Variants in EVC2 observed in about 807,000 individuals in gnomAD.
EVC2 encodes the protein EvC ciliary complex subunit 2, also known as limbin.
A neutral mutation model predicts 149.3 loss-of-function variants in EVC2; 148 were observed. That is an observed-to-expected ratio of 0.99 (90% CI 0.87 to 1.14). EVC2 has a LOEUF of 1.14. Among genes scored for constraint, EVC2 ranks in the 50% most tolerant of loss-of-function variants. EVC2 has a pLI of 0.00. For missense variants in EVC2, 1,854 were observed against 1,627.3 expected, an observed-to-expected ratio of 1.14 and a Z score of -2.40; for synonymous variants, 776 against 649.9, an observed-to-expected ratio of 1.19 and a Z score of -2.95.
At chr4:5,547,210 G>A (rs1036374152) in intron 21 of EVC2, among the ~76,000 whole-genome samples, 18 of 152,358 alleles carry the variant, frequency 1.2e-4, no homozygotes, top group African/African-American at 3.4e-4. Context: ...CACTTTGGGC[G>A]GTGCTGACAT....
chr4:5,590,286 G>T (rs1289583583), intron 16 of EVC2, among the ~76,000 whole-genome samples: 1 of 152,164 alleles, frequency 6.6e-6, no homozygotes. Flanking sequence ...AAAAAGTTGA[G>T]TGATGGGCAA....
At position 5,632,015 on chromosome 4, in the gene EVC2, G is replaced by A; in HGVS notation, c.1488C>T (p.Ser496=). ...GGCCATGGAGGGTCCGCAGAAGGTT[G>A]CTGCACTCTACAGCAGACTGGAGAG... The part of the protein sequence containing the change: ...RAGERSAVEC[S]NLLRTLHGLE... The change falls in exon 11 of 22, where the codon AGC becomes AGT. Residue 496 remains serine, a synonymous_variant. Transcript: ENST00000344408. The A allele has an allele frequency of 1.2e-6, 2 of 1,614,180 alleles. No homozygotes were observed. Among genetic ancestry groups the A allele is most frequent in the Non-Finnish European group, 1.7e-6 (2 of 1,180,022 alleles).
intron 19 of EVC2, among the ~76,000 whole-genome samples, chr4:5,573,257 G>T (rs961498796): frequency 6.6e-6 from 1 of 151,822 alleles, no homozygotes; most frequent in African/African-American, 2.4e-5. Context: ...AGTAAGGTCA[G>T]GGGCCTTGAG....
intron 8 of EVC2, among the ~76,000 whole-genome samples, chr4:5,663,520 C>T (rs1393128835): frequency 1.3e-5 from 2 of 152,196 alleles, no homozygotes; most frequent in Non-Finnish European, 2.9e-5. Flanking sequence ...GCCTGTAAGA[C>T]CTATAAACTA....
At chr4:5,560,433 T>C (rs564623299), downstream of EVC2, among the ~76,000 whole-genome samples, 2 of 152,238 alleles carry the variant, frequency 1.3e-5, no homozygotes, top group South Asian at 4.1e-4. This position sits in a 1 kb window ranked among gnomAD's most constrained non-coding sequence, Gnocchi z 4.1. Flanking sequence ...GAACAGCACC[T>C]TCTTCACAGG....
At chr4:5,600,966 CT>C (rs1319850387) in intron 16 of EVC2, among the ~76,000 whole-genome samples, 1 of 152,218 alleles carries the variant, frequency 6.6e-6, no homozygotes, top group Non-Finnish European at 1.5e-5. Flanking sequence ...ATACTGACTA[CT>C]AAAACCCCAG....
intron 2 of EVC2, among the ~76,000 whole-genome samples, chr4:5,695,572 C>T (rs1560234331): frequency 2.0e-5 from 3 of 152,180 alleles, no homozygotes; most frequent in African/African-American, 7.2e-5. Flanking sequence ...CTCAGTTCCC[C>T]TCACCTGGGT....
chr4:5,595,040 C>G (rs1015863785), intron 16 of EVC2, among the ~76,000 whole-genome samples: 1 of 152,140 alleles, frequency 6.6e-6, no homozygotes. Flanking sequence ...AAGAAACGAA[C>G]AAAGCCTCCA....
intron 3 of EVC2, among the ~76,000 whole-genome samples, chr4:5,692,474 G>A (rs1721181154): frequency 6.6e-6 from 1 of 152,220 alleles, no homozygotes; most frequent in African/African-American, 2.4e-5. Flanking sequence ...ACTCAGGCAG[G>A]AAGCTCGAGA....
At chr4:5,650,670 GA>G (rs1310796027) in intron 9 of EVC2, among the ~76,000 whole-genome samples, 33 of 133,068 alleles carry the variant, frequency 2.5e-4, no homozygotes, top group African/African-American at 9.4e-4. Flanking sequence ...GAGAGAGAGA[GA>G]GCCATTTAAT....
At chr4:5,694,939 G>A (rs1721374182) in intron 2 of EVC2, among the ~76,000 whole-genome samples, 1 of 152,114 alleles carries the variant, frequency 6.6e-6, no homozygotes, top group African/African-American at 2.4e-5. Context: ...CACCTCACTA[G>A]GTCCTTCTGG....
At position 5,615,490 on chromosome 4, in the gene EVC2, G is replaced by T. The variant is rs754377858; in HGVS notation, c.2761C>A (p.Leu921Met). 6.2e-7 allele frequency: 1 copy of T among 1,614,116 alleles called. No homozygotes were observed. Among genetic ancestry groups the T allele is most frequent in the Middle Eastern group, 1.6e-4 (1 of 6,084 alleles). Residue 921 changes from leucine to methionine, a missense_variant, in exon 16 of 22, where the codon CTG (leucine) becomes ATG (methionine). Leu to Met is a conservative substitution (Grantham distance 15). Coordinates refer to ENST00000344408, the MANE Select transcript of EVC2 (RefSeq NM_147127.5). ...RSKSKSKGEL[L>M]KKCIEDKIHL... ...ATTTTGTCTTCGATGCACTTCTTCA[G>T]AAGCTCTCCCTTGCTTTTACTCTTG...
intron 2 of EVC2, among the ~76,000 whole-genome samples, chr4:5,694,749 C>T (rs887655084): frequency 3.3e-5 from 5 of 152,146 alleles, no homozygotes; most frequent in African/African-American, 7.2e-5. Flanking sequence ...TTGTGCAGCC[C>T]CACCTAGGAA....
chr4:5,662,620 A>G (rs1718970935), intron 9 of EVC2, among the ~76,000 whole-genome samples: 1 of 145,012 alleles, frequency 6.9e-6, no homozygotes, highest in African/African-American at 2.5e-5. Context: ...ATATATTTAG[A>G]TTAATTATAT....
At chr4:5,546,712 T>C (rs1364232217) in intron 21 of EVC2, among the ~76,000 whole-genome samples, 5 of 150,430 alleles carry the variant, frequency 3.3e-5, no homozygotes, top group African/African-American at 1.2e-4. Flanking sequence ...ACTTAAAGTA[T>C]AATAATAATA....
At chr4:5,597,613 A>G (rs1241254079) in intron 16 of EVC2, among the ~76,000 whole-genome samples, 1 of 151,118 alleles carries the variant, frequency 6.6e-6, no homozygotes, top group Non-Finnish European at 1.5e-5. Context: ...CCAATATCAC[A>G]CTGAATGGGC....
chr4:5,547,402 C>T (rs952738975), intron 21 of EVC2, among the ~76,000 whole-genome samples: 1 of 152,208 alleles, frequency 6.6e-6, no homozygotes, highest in African/African-American at 2.4e-5. Context: ...GGGGCAGATC[C>T]CCAGTGAGGC....
At chr4:5,648,870 C>T (rs1020445326) in intron 9 of EVC2, among the ~76,000 whole-genome samples, 4 of 152,132 alleles carry the variant, frequency 2.6e-5, no homozygotes, top group Non-Finnish European at 5.9e-5. Context: ...ATTAAAATAC[C>T]ATGCCACTAA....
At chr4:5,533,885 G>A in the EVC2 span, among the ~76,000 whole-genome samples, 1 of 152,186 alleles carries the variant, frequency 6.6e-6, no homozygotes, top group Admixed American at 6.5e-5. Context: ...AATAGATGGT[G>A]CAAAGGTCCT....
Sources: gnomAD v4.1 joint callset for allele counts (sites outside exome capture counted in the v4.1 genomes callset) on GRCh38, gnomAD v4.1.1 for gene constraint, Gnocchi (gnomAD v3.1) non-coding constraint, MANE v1.5 for transcripts, NCBI Gene and HGNC (gene_info 2026-07-23, HGNC 2026-07-21) for gene names.